KLHDC1: variants seen among roughly 807,000 people sequenced by gnomAD.
KLHDC1 encodes kelch domain-containing protein 1.
A neutral mutation model predicts 68.3 loss-of-function variants in KLHDC1; 53 were observed. The ratio of observed to expected loss-of-function variants is 0.78; its 90% CI spans 0.62 to 0.98. The LOEUF is 0.98. Ranked by LOEUF, KLHDC1 falls within the 50% of genes least tolerant of loss-of-function variation. The pLI is 0.00. For synonymous variants in KLHDC1, 148 were observed against 159.0 expected, an observed-to-expected ratio of 0.93 and a Z score of 0.52; for missense variants, 470 against 492.3, an observed-to-expected ratio of 0.95 and a Z score of 0.43.
chr14:49,737,733 C>T (rs1187537022), intron 10 of KLHDC1, among the ~76,000 whole-genome samples: 4 of 150,522 alleles, frequency 2.7e-5, no homozygotes, highest in Admixed American at 6.6e-5. Flanking sequence ...GGTGTGGTGG[C>T]GTGTGCCTGT....
rs200340135 is a variant in KLHDC1, at chr14:49,723,874, A to G, written c.405A>G (p.Arg135=). 311 of 1,561,748 alleles carry G rather than the reference A, an allele frequency of 2.0e-4. 3 individuals carry two copies. In the Middle Eastern group the frequency reaches 2.0e-3, roughly 10 times the overall value. ...DKLSCWVYKD[R]LIYFGGYGCR... is the part of the protein sequence containing the mutation. The stretch of plus-strand genomic sequence containing the variant: ...GTGTCATTTCGTATTTGTTTTTCAG[A>G]CTAATATATTTTGGTGGTTATGGGT... The change falls in exon 5 of 13, where the codon AGA becomes AGG. Residue 135 remains arginine (R), a splice_region_variant and synonymous_variant. Transcript: ENST00000359332.
intron 9 of KLHDC1, among the ~76,000 whole-genome samples, chr14:49,733,752 C>G (rs1888870629): frequency 1.3e-5 from 2 of 152,148 alleles, no homozygotes; most frequent in African/African-American, 4.8e-5. Flanking sequence ...GAAGTTTTCT[C>G]TGGCTAGAGA....
At chr14:49,701,348 G>A (rs1311018139) in intron 1 of KLHDC1, among the ~76,000 whole-genome samples, 1 of 151,914 alleles carries the variant, frequency 6.6e-6, no homozygotes, top group Admixed American at 6.6e-5. Flanking sequence ...GAAAAAATTG[G>A]CAGATCAGAC....
At chr14:49,721,324 C>T (rs1172447568) in intron 4 of KLHDC1, among the ~76,000 whole-genome samples, 4 of 151,936 alleles carry the variant, frequency 2.6e-5, no homozygotes, top group East Asian at 3.9e-4. Context: ...AGGTATGCAC[C>T]GCCACACCTT....
At position 49,726,633 on chromosome 14, in the gene KLHDC1, G is replaced by T. The variant is rs1028145857; in HGVS notation, c.567+864G>T. ...TGGCATGACAAAAAATACATTATCA[G>T]TATTCTTTCATTTGTTAGTGACCAA... On this transcript the variant is annotated intron_variant, in intron 6 of 12. Coordinates refer to ENST00000359332, the MANE Select transcript of KLHDC1 (RefSeq NM_172193.3). Among the ~76,000 whole-genome samples the T allele has an allele frequency of 2.6e-5, 4 of 152,170 alleles. No homozygotes were observed. In the East Asian group the frequency reaches 7.7e-4, roughly 29 times the overall value.
At chr14:49,709,092 C>T in intron 1 of KLHDC1, 67 bp from the exon 2 acceptor site, 1 of 686,820 alleles carries the variant, frequency 1.5e-6, no homozygotes, top group South Asian at 1.9e-5. Context: ...TTTTCTCATC[C>T]TGAGAAGCTG....
intron 4 of KLHDC1, among the ~76,000 whole-genome samples, chr14:49,722,086 T>A (rs1888540841): frequency 6.6e-6 from 1 of 152,208 alleles, no homozygotes; most frequent in Non-Finnish European, 1.5e-5. Flanking sequence ...GCGAAAGAGT[T>A]AAGGAGTAGG....
intron 4 of KLHDC1, among the ~76,000 whole-genome samples, chr14:49,722,449 C>T (rs911704074): frequency 6.6e-6 from 1 of 152,124 alleles, no homozygotes. Flanking sequence ...ATGAACTCAT[C>T]CTTTTTTATG....
intron 12 of KLHDC1, among the ~76,000 whole-genome samples, chr14:49,749,734 A>G (rs2139773233): frequency 6.6e-6 from 1 of 151,650 alleles, no homozygotes. Context: ...TATATTTAGG[A>G]TATCTGCAAT....
chr14:49,730,099 A>C (rs1351660426), intron 8 of KLHDC1, among the ~76,000 whole-genome samples: 5 of 152,208 alleles, frequency 3.3e-5, no homozygotes, highest in Non-Finnish European at 2.9e-5. Flanking sequence ...AAAATTCATA[A>C]ATGAAAAGAC....
At chr14:49,730,053 G>A (rs1333038510) in intron 8 of KLHDC1, among the ~76,000 whole-genome samples, 2 of 151,974 alleles carry the variant, frequency 1.3e-5, no homozygotes, top group African/African-American at 4.8e-5. Context: ...TTAAAATGTT[G>A]GCATGGAGAA....
intron 10 of KLHDC1, among the ~76,000 whole-genome samples, chr14:49,735,540 G>T (rs1439646676): frequency 6.6e-6 from 1 of 151,332 alleles, no homozygotes; most frequent in Non-Finnish European, 1.5e-5. Context: ...TTGCATTTGT[G>T]ATTCTTTTGT....
chr14:49,743,072 C>CAAAAAAAA, intron 11 of KLHDC1, among the ~76,000 whole-genome samples: 1 of 58,350 alleles, frequency 1.7e-5, no homozygotes, highest in Non-Finnish European at 3.0e-5. Flanking sequence ...ACCCTGTCTC[C>CAAAAAAAA]AAAAAAAAAA....
At chr14:49,705,575 T>G (rs1342183881) in intron 1 of KLHDC1, among the ~76,000 whole-genome samples, 1 of 151,890 alleles carries the variant, frequency 6.6e-6, no homozygotes, top group African/African-American at 2.4e-5. Context: ...TTCACCATAT[T>G]GGCCAGGCTG....
intron 1 of KLHDC1, among the ~76,000 whole-genome samples, chr14:49,704,387 G>GTTTTTTTTTTTTTTTTTTTTTTTTTTT (rs35067251): frequency 7.3e-5 from 5 of 68,716 alleles, no homozygotes; most frequent in Admixed American, 5.1e-4. Context: ...TTCCTTTTCT[G>GTTTTTTTTTTTTTTTTTTTTTTTTTTT]TTTTTTTTTT....
At chr14:49,704,779 A>T (rs150315654) in intron 1 of KLHDC1, among the ~76,000 whole-genome samples, 1 of 152,082 alleles carries the variant, frequency 6.6e-6, no homozygotes, top group Non-Finnish European at 1.5e-5. Context: ...GTGAGATGAG[A>T]CATGTTTGTA....
At chr14:49,704,124 CG>C (rs1483355637) in intron 1 of KLHDC1, among the ~76,000 whole-genome samples, 4 of 152,138 alleles carry the variant, frequency 2.6e-5, no homozygotes, top group African/African-American at 9.7e-5. Flanking sequence ...TCTGGCCTTA[CG>C]TTTTTGCCGT....
intron 1 of KLHDC1, among the ~76,000 whole-genome samples, chr14:49,694,119 CAAAAT>C (rs1379701306): frequency 9.2e-5 from 14 of 151,988 alleles, no homozygotes; most frequent in Admixed American, 2.6e-4. Context: ...TTTCTAGTCT[CAAAAT>C]AGACGCATGT....
chr14:49,728,927 G>C lies in KLHDC1; in HGVS notation c.569G>C (p.Gly190Ala). Reference sequence around the variant, plus strand: ...GTCTGTTCTGATTTCTACTTGCAGGGTGGAGTTCCACCACAGCCACGAGCC... The same window carrying C: ...GTCTGTTCTGATTTCTACTTGCAGGCTGGAGTTCCACCACAGCCACGAGCC... ...TQTWFQPEIK[G>A]GVPPQPRAAH... Residue 190 changes from glycine (G) to alanine (A), a missense_variant and splice_region_variant, in exon 7 of 13, where the codon GGT becomes GCT. Gly to Ala is a moderately conservative substitution (Grantham distance 60, BLOSUM62 0). Transcript: ENST00000359332. The C allele has an allele frequency of 6.2e-7, 1 of 1,609,250 alleles. No homozygotes were observed. Among genetic ancestry groups the C allele is most frequent in the Admixed American group, 1.7e-5 (1 of 59,958 alleles).
Sources: gnomAD v4.1 joint callset for allele counts (sites outside exome capture counted in the v4.1 genomes callset) on GRCh38, gnomAD v4.1.1 for gene constraint, MANE v1.5 for transcripts, NCBI Gene and HGNC (gene_info 2026-07-23, HGNC 2026-07-21) for gene names.